The following ANKRD13C variants were observed in gnomAD, a reference collection of about 807,000 sequenced individuals.
ANKRD13C encodes ankyrin repeat domain 13C, also known as ankyrin repeat domain-containing protein 13C.
A neutral mutation model predicts 65.5 loss-of-function variants in ANKRD13C; 16 were observed. That is an observed-to-expected ratio of 0.24 (90% CI 0.17 to 0.37). The LOEUF is 0.37. ANKRD13C is among the 10% of genes least tolerant of loss of function. The probability of loss-of-function intolerance (pLI) is 1.00; values close to 1 mark genes in which losing one functional copy is unlikely to be tolerated. For synonymous variants in ANKRD13C, 235 were observed against 238.7 expected (o/e 0.98, Z 0.14); for missense variants, 503 against 655.9 (o/e 0.77, Z 2.55).
chr1:70,261,953 T>C lies in ANKRD13C; in HGVS notation c.*764A>G, dbSNP rs1163920061. 6.8e-6 allele frequency: 1 copy of C among 147,732 alleles called. No individual in the cohort carries two copies. The highest frequency in any genetic ancestry group is 1.5e-5 in the Non-Finnish European group (1 of 66,736). 9.2% of individuals were successfully genotyped at this position (147,732 alleles called of 1,614,324 possible). A position where few individuals can be genotyped will look rare whatever the true frequency, so the allele number is the denominator to read the frequency against. ...CATAACAAGGACTCAAACTCAAGTT[T>C]AGAAAAAAAAAAAATAGAGGTTCTA... On this transcript the variant is annotated 3_prime_UTR_variant, in exon 13 of 13. Coordinates refer to ENST00000370944, the MANE Select transcript of ANKRD13C (RefSeq NM_030816.5).
At chr1:70,306,202 G>GA (rs1680581962) in intron 6 of ANKRD13C, 22 bp downstream of exon 6, 4 of 1,500,686 alleles carry the variant, frequency 2.7e-6, no homozygotes, top group African/African-American at 1.4e-5. Flanking sequence ...CTTTTACTGA[G>GA]AAAAAAATCA....
At chr1:70,296,692 T>C (rs1056677324) in intron 7 of ANKRD13C, among the ~76,000 whole-genome samples, 4 of 152,182 alleles carry the variant, frequency 2.6e-5, no homozygotes, top group Admixed American at 2.0e-4. Flanking sequence ...TTCTTCTTAA[T>C]GCAAAGATCC....
At position 70,299,485 on chromosome 1, in the gene ANKRD13C, T is replaced by A. The variant is rs765465721; in HGVS notation, c.921+1279A>T. ...GCAGATGAGAAGGGAGCCAGGAAGA[T>A]CATTTATAAGACTTTCCAATGGTCC... On this transcript the variant is annotated intron_variant, in intron 7 of 12. Coordinates refer to ENST00000370944, the MANE Select transcript of ANKRD13C (RefSeq NM_030816.5). Among the ~76,000 whole-genome samples, 25 of 152,200 alleles carry A rather than the reference T, an allele frequency of 1.6e-4. 1 individual carries two copies. The highest frequency in any genetic ancestry group is 6.2e-4 in the South Asian group (3 of 4,830).
At chr1:70,302,477 A>C (rs937471547) in intron 6 of ANKRD13C, among the ~76,000 whole-genome samples, 1 of 110,798 alleles carries the variant, frequency 9.0e-6, no homozygotes, top group African/African-American at 4.0e-5. Context: ...CTGTAATCCC[A>C]GCACTTTGGG....
intron 12 of ANKRD13C, among the ~76,000 whole-genome samples, chr1:70,265,679 A>G (rs759570772): frequency 1.3e-5 from 2 of 151,646 alleles, no homozygotes; most frequent in Admixed American, 6.6e-5. Flanking sequence ...ACAAAAATTA[A>G]CTGGGTGTGG....
At chr1:70,297,521 T>C (rs1680143219) in intron 7 of ANKRD13C, among the ~76,000 whole-genome samples, 1 of 148,090 alleles carries the variant, frequency 6.8e-6, no homozygotes. Flanking sequence ...CTCGATCTCC[T>C]GACCTCGTGA....
intron 12 of ANKRD13C, among the ~76,000 whole-genome samples, chr1:70,270,572 A>T (rs1386221106): frequency 6.6e-6 from 1 of 152,160 alleles, no homozygotes; most frequent in Non-Finnish European, 1.5e-5. Context: ...AGATTTCATA[A>T]GGAGCGTGCA....
chr1:70,335,485 T>G (rs1217759337), intron 2 of ANKRD13C, among the ~76,000 whole-genome samples: 2 of 151,784 alleles, frequency 1.3e-5, no homozygotes, highest in Non-Finnish European at 2.9e-5. Flanking sequence ...GCTATTCAGC[T>G]ATCTAAAATC....
intron 9 of ANKRD13C, among the ~76,000 whole-genome samples, chr1:70,290,018 A>C (rs1279759707): frequency 6.6e-6 from 1 of 152,122 alleles, no homozygotes; most frequent in African/African-American, 2.4e-5. Context: ...TGACTGAGAG[A>C]TCAGTAAATA....
intron 6 of ANKRD13C, 24 bp downstream of exon 6, chr1:70,306,200 G>A (rs1436065733): frequency 6.7e-7 from 1 of 1,489,254 alleles, no homozygotes; most frequent in Non-Finnish European, 9.0e-7. Context: ...TTCTTTTACT[G>A]AGAAAAAAAT....
chr1:70,354,679 T>G lies in ANKRD13C; in HGVS notation c.-271A>C. The G allele has an allele frequency of 4.9e-6, 4 of 810,402 alleles. No homozygotes were observed. The highest frequency in any genetic ancestry group is 7.5e-6 in the Non-Finnish European group (4 of 532,362). The allele number at this position is 810,402 out of a possible 1,614,324, so 50.2% of individuals were successfully genotyped here. A position where few individuals can be genotyped will look rare whatever the true frequency, so the allele number is the denominator to read the frequency against. ...GTCTCGCCGTCGCAGCCGCCGTCGC[T>G]GCCTTACACCGAAAAACAGGGCACG... is the stretch of plus-strand genomic sequence containing the variant. On this transcript the variant is annotated 5_prime_UTR_variant, in exon 1 of 13. Transcript: ENST00000370944.
chr1:70,293,262 C>G (rs1273893412), intron 8 of ANKRD13C, among the ~76,000 whole-genome samples: 1 of 151,794 alleles, frequency 6.6e-6, no homozygotes, highest in East Asian at 1.9e-4. Context: ...CACAGGTATT[C>G]AGAGTTTGAA....
chr1:70,337,146 AACACACACACACACAC>A (rs58715407), intron 1 of ANKRD13C, among the ~76,000 whole-genome samples: 2 of 145,350 alleles, frequency 1.4e-5, no homozygotes, highest in East Asian at 4.0e-4. Flanking sequence ...CCATGATTCA[AACACACACACACACAC>A]ACACACACAC....
At chr1:70,288,440 G>A (rs1230632211) in intron 9 of ANKRD13C, among the ~76,000 whole-genome samples, 2 of 152,184 alleles carry the variant, frequency 1.3e-5, no homozygotes, top group Non-Finnish European at 2.9e-5. Flanking sequence ...AAACTTATAT[G>A]TGAATGTTTT....
chr1:70,324,754 G>C, intron 3 of ANKRD13C, 99 bp downstream of exon 3: 2 of 866,212 alleles, frequency 2.3e-6, no homozygotes, highest in Non-Finnish European at 3.4e-6. Flanking sequence ...AATTGCAAAA[G>C]TTCATATTAT....
chr1:70,274,543 A>G (rs1468665301), intron 11 of ANKRD13C, among the ~76,000 whole-genome samples, 177 bp downstream of exon 11: 3 of 152,068 alleles, frequency 2.0e-5, no homozygotes, highest in African/African-American at 7.2e-5. Flanking sequence ...AAAGTAGTAA[A>G]AATCAATACT....
chr1:70,338,041 G>A (rs1201557395), intron 1 of ANKRD13C, among the ~76,000 whole-genome samples: 2 of 152,124 alleles, frequency 1.3e-5, no homozygotes, highest in Non-Finnish European at 2.9e-5. Context: ...GAAGGTTGCG[G>A]TGAACCAAGA....
intron 11 of ANKRD13C, among the ~76,000 whole-genome samples, chr1:70,271,861 C>G (rs1225248785): frequency 6.6e-6 from 1 of 152,192 alleles, no homozygotes; most frequent in Non-Finnish European, 1.5e-5. Flanking sequence ...TTAAGTAAAA[C>G]ATGAATGACT....
intron 3 of ANKRD13C, among the ~76,000 whole-genome samples, chr1:70,323,658 T>A (rs191431870): frequency 0.018 from 2,622 of 147,730 alleles, 83 homozygotes; most frequent in African/African-American, 0.06. Context: ...AAAAAAAAAA[T>A]TTTTTTTGTT....
Sources: allele counts gnomAD v4.1 joint callset (sites outside exome capture counted in the v4.1 genomes callset), GRCh38; gene constraint gnomAD v4.1.1; transcripts MANE v1.5; gene names NCBI Gene and HGNC (gene_info 2026-07-23, HGNC 2026-07-21).